The following ZNF536 variants were observed in gnomAD, a reference collection of about 807,000 sequenced individuals.
ZNF536 encodes the protein zinc finger protein 536.
A neutral mutation model predicts 84.5 loss-of-function variants in ZNF536; 13 were observed. That is an observed-to-expected ratio of 0.15 (90% CI 0.10 to 0.24). ZNF536 has a LOEUF of 0.24. Ranked by LOEUF, ZNF536 falls within the 10% of genes least tolerant of loss-of-function variation. The pLI is 1.00. For synonymous variants in ZNF536, 811 were observed against 742.5 expected (o/e 1.09, Z -1.50); for missense variants, 1,536 against 1,747.5 (o/e 0.88, Z 2.16).
upstream of ZNF536, among the ~76,000 whole-genome samples, chr19:30,368,493 T>A (rs1309206034): frequency 6.6e-6 from 1 of 152,222 alleles, no homozygotes; most frequent in African/African-American, 2.4e-5. Context: ...GGCAACAGCA[T>A]TTCCATCAGT....
intron 2 of ZNF536, among the ~76,000 whole-genome samples, chr19:30,497,297 T>C (rs1243781175): frequency 6.6e-6 from 1 of 152,224 alleles, no homozygotes; most frequent in African/African-American, 2.4e-5. Flanking sequence ...ATTTACATTT[T>C]ATCACAACAT....
chr19:30,304,233 G>A (rs1053511500), intron 2 of ZNF536, among the ~76,000 whole-genome samples: 7 of 152,100 alleles, frequency 4.6e-5, no homozygotes, highest in African/African-American at 1.7e-4. Context: ...TGCACAAACC[G>A]CCCGCATTTG....
At chr19:30,475,993 A>G (rs573288772) in intron 2 of ZNF536, among the ~76,000 whole-genome samples, 23 of 152,306 alleles carry the variant, frequency 1.5e-4, no homozygotes. Flanking sequence ...TTTGAGCCCC[A>G]TGAAGACGGC....
At chr19:30,550,825 G>C (rs1253394749) in intron 4 of ZNF536, among the ~76,000 whole-genome samples, 1 of 151,922 alleles carries the variant, frequency 6.6e-6, no homozygotes, top group Non-Finnish European at 1.5e-5. Flanking sequence ...TTTTTGAATT[G>C]TCGAAAATCA....
intron 1 of ZNF536, among the ~76,000 whole-genome samples, chr19:30,254,163 TA>T (rs2024780123): frequency 6.6e-6 from 1 of 152,192 alleles, no homozygotes; most frequent in Non-Finnish European, 1.5e-5. Flanking sequence ...TCTATCTAGT[TA>T]CACCATTCCT....
At chr19:30,529,406 G>C (rs1416802259) in intron 2 of ZNF536, among the ~76,000 whole-genome samples, 2 of 152,108 alleles carry the variant, frequency 1.3e-5, no homozygotes, top group Non-Finnish European at 2.9e-5. Context: ...TTGTCTTTCT[G>C]AGCATCCGTT....
At chr19:30,547,694 CAT>C (rs1410280377) in intron 3 of ZNF536, among the ~76,000 whole-genome samples, 3 of 152,114 alleles carry the variant, frequency 2.0e-5, no homozygotes, top group Non-Finnish European at 4.4e-5. Flanking sequence ...GCCGTTTTCA[CAT>C]GTTAGATAAA....
At chr19:30,469,580 C>G (rs769456040) in intron 2 of ZNF536, among the ~76,000 whole-genome samples, 1 of 152,178 alleles carries the variant, frequency 6.6e-6, no homozygotes, top group Admixed American at 6.5e-5. Context: ...GCCCAACAAC[C>G]CTTGGCTGAT....
At chr19:30,539,533 A>G (rs531572734) in intron 3 of ZNF536, among the ~76,000 whole-genome samples, 13 of 152,314 alleles carry the variant, frequency 8.5e-5, no homozygotes, top group African/African-American at 2.9e-4. Flanking sequence ...AAAATTAACC[A>G]TCACAGAAAT....
At chr19:30,295,198 G>C (rs554418221) in intron 2 of ZNF536, among the ~76,000 whole-genome samples, 49 of 152,292 alleles carry the variant, frequency 3.2e-4, no homozygotes, top group African/African-American at 1.2e-3. Context: ...TGAGTAGCAA[G>C]AGACTAGAGG....
intron 1 of ZNF536, among the ~76,000 whole-genome samples, chr19:30,595,202 T>C (rs908933592): frequency 6.6e-6 from 1 of 152,200 alleles, no homozygotes; most frequent in African/African-American, 2.4e-5. Flanking sequence ...CGTTTCCCCA[T>C]GTGGAGCTCA....
chr19:30,408,769 C>G (rs886532876), intron 1 of ZNF536, among the ~76,000 whole-genome samples: 2 of 152,070 alleles, frequency 1.3e-5, no homozygotes, highest in South Asian at 2.1e-4. Context: ...ATCCATCTAT[C>G]CTTCCATCTA....
chr19:30,660,346 C>T (rs549368509), intron 1 of ZNF536, among the ~76,000 whole-genome samples: 34 of 152,294 alleles, frequency 2.2e-4, no homozygotes, highest in African/African-American at 7.9e-4. Flanking sequence ...AGAGCTGTCA[C>T]AAAGAAGCCA....
chr19:30,430,728 G>A (rs992059088), intron 1 of ZNF536, among the ~76,000 whole-genome samples: 8 of 152,210 alleles, frequency 5.3e-5, no homozygotes, highest in Non-Finnish European at 1.0e-4. Flanking sequence ...AGGCTAGAGT[G>A]CAGTGGTGCA....
In ZNF536 at chr19:30,534,963, T is replaced by G. The variant is rs774333726; in HGVS notation, c.2287T>G (p.Ser763Ala). 6.2e-7 allele frequency: 1 copy of G among 1,613,476 alleles called. No homozygotes were observed. The highest frequency in any genetic ancestry group is 1.1e-5 in the South Asian group (1 of 90,798). The change falls in exon 3 of 5, where the codon TCC becomes GCC. Residue 763 changes from serine (S) to alanine (A), a missense_variant. Ser to Ala is a moderately conservative substitution (Grantham distance 99). Coordinates refer to ENST00000355537, the MANE Select transcript of ZNF536 (RefSeq NM_014717.3). Reference sequence around the variant, plus strand: ...GTACTGTGGGAAAACTTTCCGGACATCCCATCACCTTAAGGTGCACCTGAG... The same window carrying G: ...GTACTGTGGGAAAACTTTCCGGACAGCCCATCACCTTAAGGTGCACCTGAG... ...CPYCGKTFRT[S>A]HHLKVHLRIH... is the part of the protein sequence containing the mutation.
rs1226166358 is a variant in ZNF536 at position 30,679,196 on chromosome 19, C to T, written c.170-31561C>T. ...AGGCTCAGGACTTCCCATATCCAGG[C>T]ACCAGCCCGATTTTTTATTTTTGAA... On this transcript the variant is annotated intron_variant, in intron 1 of 1. Transcript: ENST00000592773. Among the ~76,000 whole-genome samples, 3 of 152,316 alleles carry T rather than the reference C, an allele frequency of 2.0e-5. No individual in the cohort carries two copies. In the East Asian group the frequency reaches 5.8e-4, roughly 29 times the overall value.
intron 1 of ZNF536, among the ~76,000 whole-genome samples, chr19:30,599,105 T>TCCTC (rs1319979621): frequency 9.1e-6 from 1 of 109,952 alleles, no homozygotes; most frequent in East Asian, 3.2e-4. Context: ...CTCTCTCCTT[T>TCCTC]CCTCCCTCCC....
At chr19:30,340,415 T>G (rs1047017962) in intron 2 of ZNF536, among the ~76,000 whole-genome samples, 3 of 152,204 alleles carry the variant, frequency 2.0e-5, no homozygotes, top group Admixed American at 6.5e-5. Flanking sequence ...CAGTGCTCCC[T>G]GCTTTGGGTG....
chr19:30,331,550 C>T (rs1235488439), intron 2 of ZNF536, among the ~76,000 whole-genome samples: 2 of 152,074 alleles, frequency 1.3e-5, no homozygotes, highest in Non-Finnish European at 2.9e-5. Flanking sequence ...GGTCTGTTGG[C>T]CAGTGACATT....
Sources: gnomAD v4.1 joint callset for allele counts (sites outside exome capture counted in the v4.1 genomes callset) on GRCh38, gnomAD v4.1.1 for gene constraint, MANE v1.5 for transcripts, NCBI Gene and HGNC (gene_info 2026-07-23, HGNC 2026-07-21) for gene names.